EMSY: variants seen among roughly 807,000 people sequenced by gnomAD.
The protein encoded by EMSY is EMSY transcriptional repressor, BRCA2 interacting, also known as BRCA2-interacting transcriptional repressor EMSY.
A neutral mutation model predicts 134.6 loss-of-function variants in EMSY; 26 were observed. The ratio of observed to expected loss-of-function variants is 0.19; its 90% CI spans 0.14 to 0.27. The LOEUF is 0.27. Ranked by LOEUF, EMSY falls within the 10% of genes least tolerant of loss-of-function variation. The pLI, the probability that EMSY is intolerant of heterozygous loss-of-function variation, is 1.00. For missense variants in EMSY, 1,305 were observed against 1,611.4 expected, an observed-to-expected ratio of 0.81 and a Z score of 3.26; for synonymous variants, 579 against 577.8, an observed-to-expected ratio of 1.00 and a Z score of -0.03.
chr11:76,484,909 CAA>C (rs994539270), intron 8 of EMSY, among the ~76,000 whole-genome samples: 12 of 139,622 alleles, frequency 8.6e-5, no homozygotes, highest in African/African-American at 2.1e-4. Flanking sequence ...GCCTGGGTAA[CAA>C]GAGCAAAACT....
At chr11:76,527,854 T>G (rs1950899136) in intron 13 of EMSY, among the ~76,000 whole-genome samples, 1 of 152,002 alleles carries the variant, frequency 6.6e-6, no homozygotes, top group South Asian at 2.1e-4. Context: ...ATTATATTAA[T>G]AAAAGTTCAG....
intron 9 of EMSY, among the ~76,000 whole-genome samples, chr11:76,500,457 C>T (rs976501509): frequency 3.7e-4 from 56 of 152,250 alleles, no homozygotes; most frequent in African/African-American, 1.3e-3. Flanking sequence ...ATGTAATGAA[C>T]ATATAGTCTA....
intron 8 of EMSY, among the ~76,000 whole-genome samples, chr11:76,473,531 A>G (rs555181427): frequency 6.6e-6 from 1 of 151,096 alleles, no homozygotes; most frequent in Admixed American, 6.6e-5. Flanking sequence ...CTGGTCTGGA[A>G]CTCCGGAGTT....
At chr11:76,545,277 T>C (rs1031577835) in intron 19 of EMSY, among the ~76,000 whole-genome samples, 6 of 152,176 alleles carry the variant, frequency 3.9e-5, no homozygotes, top group Non-Finnish European at 8.8e-5. Context: ...TTTTTAGATT[T>C]ATCTTCTAGA....
chr11:76,528,151 G>C lies in EMSY; in HGVS notation c.1996-117G>C, dbSNP rs114039896. On this transcript the variant is annotated intron_variant, in intron 13 of 20. Transcript: ENST00000334736. ...TGATGAGCAATGCTGTGCCTAAAAA[G>C]TATAACGTACAGAATAGTTTCCATA... 2,059 of 861,740 alleles carry C rather than the reference G, an allele frequency of 2.4e-3. 38 individuals carry two copies. In the African/African-American group the frequency reaches 0.032, roughly 13 times the overall value. The allele number at this position is 861,740 out of a possible 1,614,324, so 53.4% of individuals were successfully genotyped here.
At chr11:76,544,492 C>A (rs1174733415) in exon 19 of EMSY, 1 of 1,614,142 alleles carries the variant, frequency 6.2e-7, no homozygotes, top group Non-Finnish European at 8.5e-7. Context: ...AGACCATCCA[C>A]CTGCAGGCAG....
chr11:76,469,756 G>T (rs1948500668), intron 7 of EMSY, among the ~76,000 whole-genome samples: 1 of 151,988 alleles, frequency 6.6e-6, no homozygotes, highest in Admixed American at 6.6e-5. Flanking sequence ...CATGTCCAGG[G>T]GCCTGCCATT....
At chr11:76,532,825 G>T (rs1331124048) in intron 14 of EMSY, among the ~76,000 whole-genome samples, 4 of 152,120 alleles carry the variant, frequency 2.6e-5, no homozygotes, top group Non-Finnish European at 4.4e-5. Flanking sequence ...TTTCTAGAAT[G>T]ATTTCTTTCT....
At chr11:76,518,537 CATT>C (rs565944629) in intron 11 of EMSY, among the ~76,000 whole-genome samples, 68 of 151,888 alleles carry the variant, frequency 4.5e-4, no homozygotes, top group Non-Finnish European at 8.5e-4. Context: ...CTTTCCCTCT[CATT>C]GTGGGAGAAT....
chr11:76,540,131 T>C (rs968974193), intron 17 of EMSY, among the ~76,000 whole-genome samples: 2 of 152,218 alleles, frequency 1.3e-5, no homozygotes, highest in Non-Finnish European at 2.9e-5. Context: ...AGTTGATCTT[T>C]TTAAAATCCA....
In EMSY at chr11:76,542,983, G is replaced by A. The variant is rs746102315; in HGVS notation, c.2709+616G>A. Among the ~76,000 whole-genome samples the A allele has an allele frequency of 5.3e-4, 80 of 152,130 alleles. 2 individuals carry two copies. Among genetic ancestry groups the A allele is most frequent in the Admixed American group, 5.2e-4 (8 of 15,274 alleles). On this transcript the variant is annotated intron_variant, in intron 18 of 20. Transcript: ENST00000334736. ...TTTTGTGTCGGATACTGTGCTTTGA[G>A]CTTTAAGTAAATTGTTTGATTCATA...
At chr11:76,503,026 C>T (rs1949934342) in intron 9 of EMSY, among the ~76,000 whole-genome samples, 1 of 152,086 alleles carries the variant, frequency 6.6e-6, no homozygotes, top group Non-Finnish European at 1.5e-5. Context: ...GGAGCCCCAG[C>T]ATGGTGGCTC....
At chr11:76,522,653 G>A (rs1210066815) in intron 11 of EMSY, among the ~76,000 whole-genome samples, 4 of 152,024 alleles carry the variant, frequency 2.6e-5, no homozygotes, top group Non-Finnish European at 4.4e-5. Context: ...GAGCCACCAC[G>A]CCTGGCCTAC....
intron 4 of EMSY, among the ~76,000 whole-genome samples, chr11:76,456,281 G>A (rs1022453252): frequency 3.3e-5 from 5 of 152,294 alleles, no homozygotes; most frequent in South Asian, 2.1e-4. Flanking sequence ...GTTTGAGCAT[G>A]TTTGCATGAG....
intron 7 of EMSY, among the ~76,000 whole-genome samples, chr11:76,466,119 A>ATC (rs1948342744): frequency 6.6e-6 from 1 of 152,194 alleles, no homozygotes; most frequent in South Asian, 2.1e-4. Context: ...GGCCCCCCAG[A>ATC]TGTGCCTGAT....
rs1358779571 is a variant in EMSY, at chr11:76,505,361, A to AG, written c.1364-8025_1364-8024insG. Among the ~76,000 whole-genome samples, 37 of 95,646 alleles carry AG rather than the reference A, an allele frequency of 3.9e-4. No individual in the cohort carries two copies. In the South Asian group the frequency reaches 0.017, roughly 44 times the overall value. The allele number at this position is 95,646 out of a possible 152,430, so 62.7% of individuals were successfully genotyped here. The stretch of plus-strand genomic sequence containing the variant: ...CAGGCGCGCACCATCACGCCCGGCT[A>AG]ATTTTTTTTTTTTTTTTTTTGTAGA... On this transcript the variant is annotated intron_variant, in intron 9 of 20. Coordinates refer to ENST00000334736, the Ensembl canonical transcript of EMSY.
chr11:76,501,484 T>C (rs1328308771), intron 9 of EMSY, among the ~76,000 whole-genome samples: 1 of 152,144 alleles, frequency 6.6e-6, no homozygotes, highest in Non-Finnish European at 1.5e-5. Context: ...AATAAAGAGA[T>C]AGAAATTAGT....
In EMSY at chr11:76,524,608, G is replaced by A. The variant is rs150314340; in HGVS notation, c.1821+1317G>A. Among the ~76,000 whole-genome samples, 416 of 152,302 alleles carry A rather than the reference G, an allele frequency of 2.7e-3. 1 individual carries two copies. The highest frequency in any genetic ancestry group is 9.2e-3 in the African/African-American group (382 of 41,562). ...CTTGATATGTAAGAGGGGATGCTTT[G>A]TATTCTAGGCCCTGTGGTCACAAAG... On this transcript the variant is annotated intron_variant, in intron 12 of 20. Transcript: ENST00000334736.
chr11:76,501,104 T>C (rs1215988035), intron 9 of EMSY, among the ~76,000 whole-genome samples: 1 of 152,250 alleles, frequency 6.6e-6, no homozygotes, highest in Non-Finnish European at 1.5e-5. Context: ...GTAGCTGTTA[T>C]ACTATATTGT....
Sources: gnomAD v4.1 joint callset for allele counts (sites outside exome capture counted in the v4.1 genomes callset) on GRCh38, gnomAD v4.1.1 for gene constraint, MANE v1.5 for transcripts, NCBI Gene and HGNC (gene_info 2026-07-23, HGNC 2026-07-21) for gene names.